Variants in MYEF2 observed in about 807,000 individuals in gnomAD.
The protein encoded by MYEF2 is myelin expression factor 2.
Under a neutral mutation model 75.2 loss-of-function variants are expected in MYEF2, and 37 were observed. That is an observed-to-expected ratio of 0.49 (90% CI 0.38 to 0.65). MYEF2 has a LOEUF of 0.65. Ranked by LOEUF, MYEF2 falls within the 30% of genes least tolerant of loss-of-function variation. The pLI is 0.00. For missense variants in MYEF2, 634 were observed against 771.4 expected (o/e 0.82, Z 2.11); for synonymous variants, 195 against 241.6 (o/e 0.81, Z 1.79).
At chr15:48,143,809 T>C (rs1032865280) in intron 16 of MYEF2, among the ~76,000 whole-genome samples, 1 of 152,126 alleles carries the variant, frequency 6.6e-6, no homozygotes, top group Non-Finnish European at 1.5e-5. Flanking sequence ...TTGCTAACTC[T>C]AGAGACTCGT....
chr15:48,136,995 T>C lies in MYEF2; in HGVS notation c.*5913A>G. The C allele has an allele frequency of 1.9e-6, 3 of 1,562,520 alleles. No individual in the cohort carries two copies. Among genetic ancestry groups the C allele is most frequent in the African/African-American group, 1.4e-5 (1 of 72,984 alleles). On this transcript the variant is annotated 3_prime_UTR_variant, in exon 17 of 17. Coordinates refer to ENST00000324324, the MANE Select transcript of MYEF2 (RefSeq NM_016132.5). ...ACTAAATCTTGCCCATTATTAAGTC[T>C]ATTCGCAAAGGAAAAACTTTAAAAT...
Position 48,143,068 on chromosome 15 carries a change from T to C in MYEF2, c.1643A>G (p.His548Arg). The C allele has an allele frequency of 6.6e-7, 1 of 1,524,866 alleles. No individual in the cohort carries two copies. The allele number at this position is 1,524,866 out of a possible 1,614,324, so 94.5% of individuals were successfully genotyped here. ...CATTTTTATTTCTGCAAACATTACA[T>C]GACCTGTAAAATAAAAGTTACAGAA... ...KLKEKFSQCG[H>R]VMFAEIKMEN... Residue 548 changes from histidine to arginine, a missense_variant, in exon 17 of 17, where the codon CAT becomes CGT. By Grantham distance (29) the His-to-Arg change is conservative (BLOSUM62 0). Transcript: ENST00000324324.
intron 6 of MYEF2, 65 bp from the exon 7 acceptor site, chr15:48,158,987 A>T: frequency 7.1e-7 from 1 of 1,418,068 alleles, no homozygotes; most frequent in Non-Finnish European, 9.7e-7. Flanking sequence ...TAAATACAAA[A>T]AATCTTTTCT....
In MYEF2 at chr15:48,135,553, G is replaced by A. The variant is rs559204748; in HGVS notation, c.*7355C>T. 2.0e-5 allele frequency: 3 copies of A among 152,626 alleles called. No homozygotes were observed. The highest frequency in any genetic ancestry group is 4.1e-4 in the South Asian group (2 of 4,850). 9.5% of individuals were successfully genotyped at this position (152,626 alleles called of 1,614,324 possible). A position where few individuals can be genotyped will look rare whatever the true frequency, so the allele number is the denominator to read the frequency against. On this transcript the variant is annotated 3_prime_UTR_variant, in exon 17 of 17. Coordinates refer to ENST00000324324, the MANE Select transcript of MYEF2 (RefSeq NM_016132.5). ...GGTCCAAGAAAATGAAAAAGGTGGT[G>A]ACTGAGTGGACAGATACTAACTTTT...
At chr15:48,160,486 T>TACATAC (rs200591805) in intron 5 of MYEF2, among the ~76,000 whole-genome samples, 114,124 of 139,516 alleles carry the variant, frequency 0.82, 48,183 homozygotes, top group Non-Finnish European at 0.94. Context: ...AAACCAAACA[T>TACATAC]ACACACACAC....
Position 48,142,456 on chromosome 15 carries a change from T to A in MYEF2, c.*452A>T. 1 of 903,740 alleles carries A rather than the reference T, an allele frequency of 1.1e-6. No homozygotes were observed. Among genetic ancestry groups the A allele is most frequent in the Non-Finnish European group, 1.6e-6 (1 of 639,858 alleles). The allele number at this position is 903,740 out of a possible 1,614,324, so 56.0% of individuals were successfully genotyped here. A position where few individuals can be genotyped will look rare whatever the true frequency, so the allele number is the denominator to read the frequency against. On this transcript the variant is annotated 3_prime_UTR_variant, in exon 17 of 17. Transcript: ENST00000324324. ...ATTTTAAAAATCTTGAACCTTAGAA[T>A]CTAAAACTTACAGTAATTTAAAACC...
At chr15:48,164,524 C>G (rs2040066386) in intron 5 of MYEF2, among the ~76,000 whole-genome samples, 1 of 152,162 alleles carries the variant, frequency 6.6e-6, no homozygotes, top group African/African-American at 2.4e-5. Flanking sequence ...ATTGATAAAG[C>G]AGCAGCAGGT....
intron 9 of MYEF2, among the ~76,000 whole-genome samples, chr15:48,156,468 A>G: frequency 6.6e-6 from 1 of 151,898 alleles, no homozygotes; most frequent in East Asian, 1.9e-4. Flanking sequence ...GAACAAAAAC[A>G]GAAAAAATCC....
At chr15:48,145,622 C>T (rs1021420123) in intron 16 of MYEF2, among the ~76,000 whole-genome samples, 1 of 151,848 alleles carries the variant, frequency 6.6e-6, no homozygotes, top group African/African-American at 2.4e-5. Context: ...AGTCTATAAA[C>T]ATCTTGTGGG....
intron 1 of MYEF2, among the ~76,000 whole-genome samples, chr15:48,176,252 C>A (rs1452700687): frequency 6.8e-6 from 1 of 147,224 alleles, no homozygotes; most frequent in Non-Finnish European, 1.5e-5. Context: ...AGGACTAGGT[C>A]GCTAGTTATT....
chr15:48,137,087 TA>T lies in MYEF2; in HGVS notation c.*5820del, dbSNP rs1339784780. On this transcript the variant is annotated 3_prime_UTR_variant, in exon 17 of 17. Coordinates refer to ENST00000324324, the MANE Select transcript of MYEF2 (RefSeq NM_016132.5). ...AAAGACTGTGAAGACTCAGAAATGA[TA>T]AAGACCAAGTCCCTACCTTTAAGGA... 4.7e-6 allele frequency: 5 copies of T among 1,056,222 alleles called. 1 individual carries two copies. In the African/African-American group the frequency reaches 8.0e-5, roughly 17 times the overall value. 65.4% of individuals were successfully genotyped at this position (1,056,222 alleles called of 1,614,324 possible). A position where few individuals can be genotyped will look rare whatever the true frequency, so the allele number is the denominator to read the frequency against.
In MYEF2 at chr15:48,142,052, A is replaced by C; in HGVS notation, c.*856T>G. The C allele has an allele frequency of 6.2e-7, 1 of 1,613,026 alleles. No homozygotes were observed. Among genetic ancestry groups the C allele is most frequent in the African/African-American group, 1.3e-5 (1 of 75,018 alleles). On this transcript the variant is annotated 3_prime_UTR_variant, in exon 17 of 17. Transcript: ENST00000324324. ...AGGGAAAGGAGATATGGCTATGTCT[A>C]ACATCGTGGGATCCAATGTGTTTGA... is the stretch of plus-strand genomic sequence containing the variant.
Position 48,135,043 on chromosome 15 carries a change from C to G in MYEF2, c.*7865G>C, listed in dbSNP as rs1439419467. ...GAGATTTTATGAATTTCTGATGGTT[C>G]AGTAATTTTTTTTCAGAAATGTTAT... On this transcript the variant is annotated 3_prime_UTR_variant, in exon 17 of 17. Coordinates refer to ENST00000324324, the MANE Select transcript of MYEF2 (RefSeq NM_016132.5). 2.9e-6 allele frequency: 4 copies of G among 1,362,050 alleles called. No individual in the cohort carries two copies. In the African/African-American group the frequency reaches 4.3e-5, roughly 15 times the overall value. The allele number at this position is 1,362,050 out of a possible 1,614,324, so 84.4% of individuals were successfully genotyped here. A position where few individuals can be genotyped will look rare whatever the true frequency, so the allele number is the denominator to read the frequency against.
chr15:48,178,193 G>C lies in MYEF2; in HGVS notation c.45C>G (p.Gly15=), dbSNP rs1292467921. Residue 15 remains glycine (G), a synonymous_variant, in exon 1 of 17, where the codon GGC becomes GGG. Transcript: ENST00000324324. ...NKAEVPGATG[G]DSPHLQPAEP... is the part of the protein sequence containing the mutation. ...CTGCGGGCTGCAGGTGCGGGCTGTC[G>C]CCACCAGTGGCCCCGGGCACCTCGG... is the stretch of plus-strand genomic sequence containing the variant. 1 of 1,512,828 alleles carries C rather than the reference G, an allele frequency of 6.6e-7. No homozygotes were observed. Among genetic ancestry groups the C allele is most frequent in the South Asian group, 1.2e-5 (1 of 80,372 alleles). The allele number at this position is 1,512,828 out of a possible 1,614,324, so 93.7% of individuals were successfully genotyped here.
At chr15:48,145,632 G>A (rs867236996) in intron 16 of MYEF2, among the ~76,000 whole-genome samples, 1 of 151,720 alleles carries the variant, frequency 6.6e-6, no homozygotes, top group South Asian at 2.1e-4. Flanking sequence ...CATCTTGTGG[G>A]GTATATTTTG....
At position 48,142,303 on chromosome 15, in the gene MYEF2, T is replaced by C. The variant is rs2039119852; in HGVS notation, c.*605A>G. Reference sequence around the variant, plus strand: ...GGCTTGCTACATTATCAGTTCTATATGAACTTGGAATTATTGGAAATAATA... The same window carrying C: ...GGCTTGCTACATTATCAGTTCTATACGAACTTGGAATTATTGGAAATAATA... On this transcript the variant is annotated 3_prime_UTR_variant, in exon 17 of 17. Coordinates refer to ENST00000324324, the MANE Select transcript of MYEF2 (RefSeq NM_016132.5). 6.2e-7 allele frequency: 1 copy of C among 1,611,994 alleles called. No individual in the cohort carries two copies. Among genetic ancestry groups the C allele is most frequent in the Non-Finnish European group, 8.5e-7 (1 of 1,178,890 alleles).
intron 14 of MYEF2, 33 bp downstream of exon 14, chr15:48,151,067 T>C (rs1364793904): frequency 1.3e-6 from 2 of 1,489,806 alleles, no homozygotes. Flanking sequence ...ACTCAAATAT[T>C]ACTGAATAAA....
chr15:48,170,917 G>C (rs1160472443), intron 1 of MYEF2, among the ~76,000 whole-genome samples: 1 of 152,164 alleles, frequency 6.6e-6, no homozygotes, highest in East Asian at 1.9e-4. Context: ...AAAACTGCTA[G>C]AATAAAGAAA....
intron 16 of MYEF2, among the ~76,000 whole-genome samples, chr15:48,146,089 T>C (rs2140808867): frequency 6.6e-6 from 1 of 152,040 alleles, no homozygotes; most frequent in African/African-American, 2.4e-5. Flanking sequence ...TGGGTTTTCC[T>C]TGTGCTGAAG....
Sources: gnomAD v4.1 joint callset for allele counts (sites outside exome capture counted in the v4.1 genomes callset) on GRCh38, gnomAD v4.1.1 for gene constraint, MANE v1.5 for transcripts, NCBI Gene and HGNC (gene_info 2026-07-23, HGNC 2026-07-21) for gene names.